GPC6: variants seen among roughly 807,000 people sequenced by gnomAD.
The protein encoded by GPC6 is glypican-6.
A neutral mutation model predicts 55.2 loss-of-function variants in GPC6; 14 were observed. The ratio of observed to expected loss-of-function variants is 0.25; its 90% CI spans 0.17 to 0.40. The LOEUF (loss-of-function observed/expected upper bound fraction) is 0.40, where lower values mean the gene tolerates loss of function less well. Among genes scored for constraint, GPC6 ranks in the 10% least tolerant of loss-of-function variants. The pLI is 1.00. For missense variants in GPC6, 641 were observed against 708.5 expected, an observed-to-expected ratio of 0.90 and a Z score of 1.08; for synonymous variants, 278 against 259.6, an observed-to-expected ratio of 1.07 and a Z score of -0.68.
chr13:93,913,920 C>T (rs1877147077), intron 3 of GPC6, among the ~76,000 whole-genome samples: 1 of 148,578 alleles, frequency 6.7e-6, no homozygotes, highest in African/African-American at 2.5e-5. Flanking sequence ...TCTCAGTTTT[C>T]TACTTTAAGC....
At chr13:93,462,880 T>C (rs1223257045) in intron 1 of GPC6, among the ~76,000 whole-genome samples, 1 of 152,082 alleles carries the variant, frequency 6.6e-6, no homozygotes, top group Admixed American at 6.6e-5. Context: ...TCCTTCCTTT[T>C]CCCGTGCCCT....
upstream of GPC6, among the ~76,000 whole-genome samples, chr13:93,223,018 A>ATTTTTTTT (rs1875661668): frequency 1.9e-4 from 9 of 48,280 alleles, no homozygotes; most frequent in Non-Finnish European, 3.2e-4. Flanking sequence ...CAGGGAAAAC[A>ATTTTTTTT]CTTTTTTTTT....
chr13:93,426,368 T>C (rs1451552788), intron 1 of GPC6, among the ~76,000 whole-genome samples: 1 of 151,402 alleles, frequency 6.6e-6, no homozygotes, highest in Non-Finnish European at 1.5e-5. Context: ...GTATATCTCC[T>C]AAAGCTATCC....
At chr13:93,959,624 A>G (rs951892799) in intron 3 of GPC6, among the ~76,000 whole-genome samples, 3 of 152,222 alleles carry the variant, frequency 2.0e-5, no homozygotes, top group Admixed American at 6.5e-5. Context: ...CCTTTAATGG[A>G]TAAATCTATC....
At chr13:93,321,878 G>A (rs1052597403) in intron 1 of GPC6, among the ~76,000 whole-genome samples, 1 of 152,126 alleles carries the variant, frequency 6.6e-6, no homozygotes, top group Non-Finnish European at 1.5e-5. Context: ...CCTGCTGGAT[G>A]GGCTTTCTGG....
At chr13:93,312,106 T>A (rs1031641113) in intron 1 of GPC6, among the ~76,000 whole-genome samples, 1 of 152,212 alleles carries the variant, frequency 6.6e-6, no homozygotes, top group Admixed American at 6.5e-5. Flanking sequence ...ATCTATCTTA[T>A]GTGAAATTGG....
chr13:93,384,886 G>A lies in GPC6; in HGVS notation c.160+157270G>A, dbSNP rs182050091. Among the ~76,000 whole-genome samples the A allele has an allele frequency of 6.7e-4, 102 of 152,248 alleles. No homozygotes were observed. In the South Asian group the frequency reaches 8.1e-3, roughly 12 times the overall value. On this transcript the variant is annotated intron_variant, in intron 1 of 8. Transcript: ENST00000377047. ...ATCATTTGTTCATTCATACAAAAAC[G>A]CATCTTCTGAGTGCTGGCCATGTGC...
At chr13:94,181,631 G>A (rs1027154287) in intron 4 of GPC6, among the ~76,000 whole-genome samples, 12 of 152,180 alleles carry the variant, frequency 7.9e-5, no homozygotes, top group African/African-American at 2.2e-4. Flanking sequence ...GGAGCAAAAT[G>A]TGTCTATCTC....
rs536474552 is a variant in GPC6 at position 93,785,884 on chromosome 13, C to G, written c.320-44270C>G. Among the ~76,000 whole-genome samples, 4 of 152,138 alleles carry G rather than the reference C, an allele frequency of 2.6e-5. No individual in the cohort carries two copies. In the East Asian group the frequency reaches 7.7e-4, roughly 29 times the overall value. On this transcript the variant is annotated intron_variant, in intron 2 of 8. Transcript: ENST00000377047. ...GGCTGAAGTGAAAGGATTGCTTGAGCCCAGGAGGTCAAGGCTGCAGTAAGT... is the reference window on the plus strand; with the variant it reads ...GGCTGAAGTGAAAGGATTGCTTGAGGCCAGGAGGTCAAGGCTGCAGTAAGT...
chr13:93,631,999 G>A (rs1879464620), intron 2 of GPC6, among the ~76,000 whole-genome samples: 1 of 152,110 alleles, frequency 6.6e-6, no homozygotes, highest in Non-Finnish European at 1.5e-5. Flanking sequence ...TGAAGTGAAA[G>A]GAGGGAAAGG....
chr13:93,909,681 T>C (rs919232113), intron 3 of GPC6, among the ~76,000 whole-genome samples: 18 of 151,566 alleles, frequency 1.2e-4, no homozygotes, highest in African/African-American at 4.1e-4. Flanking sequence ...CATGATTGGG[T>C]ACTCAGATAT....
intron 4 of GPC6, among the ~76,000 whole-genome samples, chr13:94,198,864 G>A (rs1196305986): frequency 1.3e-5 from 2 of 152,202 alleles, no homozygotes; most frequent in Admixed American, 6.5e-5. Flanking sequence ...CCCTGAAGCT[G>A]TATTTCATGA....
chr13:94,231,563 C>T (rs1379962884), intron 4 of GPC6, among the ~76,000 whole-genome samples: 1 of 152,074 alleles, frequency 6.6e-6, no homozygotes, highest in Non-Finnish European at 1.5e-5. Context: ...AAAATCAATG[C>T]TAAATGTTGT....
chr13:93,308,157 C>T (rs551115174), intron 1 of GPC6, among the ~76,000 whole-genome samples: 10 of 152,114 alleles, frequency 6.6e-5, no homozygotes, highest in South Asian at 6.2e-4. Context: ...TGGTGGCGGG[C>T]GCCTGCAGTC....
chr13:93,472,960 C>T (rs1265596234), intron 1 of GPC6, among the ~76,000 whole-genome samples: 1 of 152,180 alleles, frequency 6.6e-6, no homozygotes, highest in Non-Finnish European at 1.5e-5. Flanking sequence ...CATGTGCTTA[C>T]TCAAAGGAGA....
chr13:94,371,740 A>G (rs1043838071), intron 6 of GPC6, among the ~76,000 whole-genome samples: 5 of 152,104 alleles, frequency 3.3e-5, no homozygotes, highest in East Asian at 1.9e-4. Context: ...AATGGTGGGG[A>G]AAAAAATAGT....
intron 3 of GPC6, among the ~76,000 whole-genome samples, chr13:93,831,368 A>G (rs559962338): frequency 1.3e-5 from 2 of 152,216 alleles, no homozygotes; most frequent in Non-Finnish European, 2.9e-5. Context: ...CAGTCCTCCA[A>G]ATAAAATGAA....
intron 2 of GPC6, among the ~76,000 whole-genome samples, chr13:93,666,076 G>T (rs535811271): frequency 6.6e-6 from 1 of 152,272 alleles, no homozygotes; most frequent in East Asian, 1.9e-4. Context: ...ATTGTTGAAT[G>T]AACTGAAGCT....
chr13:93,495,932 T>C (rs1360025229), intron 1 of GPC6, among the ~76,000 whole-genome samples: 2 of 148,546 alleles, frequency 1.3e-5, no homozygotes, highest in Non-Finnish European at 3.0e-5. Flanking sequence ...TTCAAAGCTG[T>C]CAGACAGGGA....
Sources: gnomAD v4.1 joint callset for allele counts (sites outside exome capture counted in the v4.1 genomes callset) on GRCh38, gnomAD v4.1.1 for gene constraint, MANE v1.5 for transcripts, NCBI Gene and HGNC (gene_info 2026-07-23, HGNC 2026-07-21) for gene names.